SLIT3: variants seen among roughly 807,000 people sequenced by gnomAD.
The protein encoded by SLIT3 is slit guidance ligand 3.
In SLIT3, 68 loss-of-function variants were observed where a neutral mutation model predicts 184.0. That is an observed-to-expected ratio of 0.37 (90% CI 0.30 to 0.45). The LOEUF (loss-of-function observed/expected upper bound fraction) is 0.45. Ranked by LOEUF, SLIT3 falls within the 20% of genes least tolerant of loss-of-function variation. The probability of loss-of-function intolerance (pLI) is 1.00; values close to 1 mark genes in which losing one functional copy is unlikely to be tolerated. For synonymous variants in SLIT3, 831 were observed against 828.6 expected (o/e 1.00, Z -0.05); for missense variants, 1,707 against 2,026.0 (o/e 0.84, Z 3.02).
rs28515683 is a variant in SLIT3 at position 169,189,072 on chromosome 5, G to A, written c.413+4407C>T. On this transcript the variant is annotated intron_variant, in intron 4 of 35. Transcript: ENST00000519560. ...CACTGGGCATTTTGCAGACCACAGC[G>A]ATATAAGTTCAGGGAACTTCCAAGA... Among the ~76,000 whole-genome samples the A allele has an allele frequency of 2.1e-3, 315 of 152,250 alleles. 3 individuals are homozygous for A. The highest frequency in any genetic ancestry group is 6.8e-3 in the African/African-American group (283 of 41,548).
At chr5:168,733,279 T>TA (rs1392128775) in intron 20 of SLIT3, among the ~76,000 whole-genome samples, 1 of 152,090 alleles carries the variant, frequency 6.6e-6, no homozygotes, top group Non-Finnish European at 1.5e-5. Flanking sequence ...TTAAAAAGTC[T>TA]AAAAACAACA....
intron 4 of SLIT3, among the ~76,000 whole-genome samples, chr5:168,935,460 C>T (rs1031186221): frequency 3.9e-5 from 6 of 152,162 alleles, no homozygotes; most frequent in African/African-American, 1.4e-4. Flanking sequence ...CAGAGAGTAC[C>T]TTCCTCAAAG....
intron 6 of SLIT3, among the ~76,000 whole-genome samples, chr5:168,842,460 C>T (rs1172915128): frequency 1.0e-4 from 10 of 98,150 alleles, no homozygotes; most frequent in African/African-American, 6.0e-4. Flanking sequence ...ATCTGGATAC[C>T]GTTTTTTCGT....
At chr5:168,931,725 C>T (rs1379000167) in intron 4 of SLIT3, among the ~76,000 whole-genome samples, 1 of 152,186 alleles carries the variant, frequency 6.6e-6, no homozygotes, top group African/African-American at 2.4e-5. Context: ...AAGTAAGTGT[C>T]AGTGAATAAC....
intron 5 of SLIT3, 74 bp from the exon 6 acceptor site, chr5:168,844,729 G>A (rs1581138740): frequency 2.8e-6 from 4 of 1,417,226 alleles, no homozygotes. Context: ...GGCCACCCGA[G>A]CGCCTGTCCC....
chr5:169,107,968 G>A (rs1331388528), intron 4 of SLIT3, among the ~76,000 whole-genome samples: 1 of 152,202 alleles, frequency 6.6e-6, no homozygotes, highest in Non-Finnish European at 1.5e-5. Context: ...CAAGCAGGAT[G>A]TTCTGCTCAT....
intron 4 of SLIT3, among the ~76,000 whole-genome samples, chr5:169,066,019 CTG>C (rs1449251638): frequency 6.6e-6 from 1 of 152,188 alleles, no homozygotes; most frequent in Non-Finnish European, 1.5e-5. Flanking sequence ...GATGAAGAAA[CTG>C]AGCCTCAGAG....
intron 1 of SLIT3, among the ~76,000 whole-genome samples, chr5:169,268,963 A>C (rs898386014): frequency 2.0e-5 from 3 of 152,216 alleles, no homozygotes; most frequent in Non-Finnish European, 4.4e-5. Flanking sequence ...ATGAAAGCCA[A>C]AAATAGTATT....
chr5:168,724,574 G>T (rs1311277306), intron 20 of SLIT3, 90 bp from the exon 21 acceptor site: 5 of 995,996 alleles, frequency 5.0e-6, no homozygotes, highest in Non-Finnish European at 6.0e-6. Flanking sequence ...TTTCCAGGCT[G>T]GATTAGGTCC....
intron 3 of SLIT3, among the ~76,000 whole-genome samples, chr5:169,198,202 T>A (rs962346308): frequency 5.3e-5 from 8 of 152,230 alleles, no homozygotes; most frequent in Admixed American, 4.6e-4. Flanking sequence ...CATATGCTAG[T>A]GAAGAAGACA....
chr5:168,741,090 G>C (rs1160037570), intron 20 of SLIT3, among the ~76,000 whole-genome samples: 1 of 152,148 alleles, frequency 6.6e-6, no homozygotes, highest in Non-Finnish European at 1.5e-5. Context: ...CAACTGTCAA[G>C]ACCTCCCTTC....
At chr5:169,283,228 T>G (rs1467065217) in intron 1 of SLIT3, among the ~76,000 whole-genome samples, 2 of 152,214 alleles carry the variant, frequency 1.3e-5, no homozygotes, top group African/African-American at 2.4e-5. Flanking sequence ...ATTTGGAAAT[T>G]TGGTTGCAAT....
chr5:168,851,996 C>T (rs528250074), intron 5 of SLIT3, among the ~76,000 whole-genome samples: 5 of 152,210 alleles, frequency 3.3e-5, no homozygotes, highest in Non-Finnish European at 7.3e-5. Context: ...TTGGGCCTTG[C>T]ATTCTCTGCC....
chr5:168,891,888 G>A (rs943773022), intron 4 of SLIT3, among the ~76,000 whole-genome samples: 1 of 152,202 alleles, frequency 6.6e-6, no homozygotes, highest in Non-Finnish European at 1.5e-5. Flanking sequence ...CGGGCTGCAT[G>A]TGGACAACAG....
At chr5:168,734,713 AC>A (rs1581018353) in intron 20 of SLIT3, among the ~76,000 whole-genome samples, 1 of 152,036 alleles carries the variant, frequency 6.6e-6, no homozygotes, top group African/African-American at 2.4e-5. Context: ...ACAGCATTTG[AC>A]CCCCATGGTG....
At chr5:169,037,773 A>C (rs1223460728) in intron 4 of SLIT3, 1 of 152,252 alleles carries the variant, frequency 6.6e-6, no homozygotes, top group Non-Finnish European at 1.5e-5. Flanking sequence ...AGGGGAAATC[A>C]AAACAAGTCC....
rs1358353459 is a variant in SLIT3 at position 169,056,181 on chromosome 5, G to T, written c.413+137298C>A. Among the ~76,000 whole-genome samples, 3 of 152,160 alleles carry T rather than the reference G, an allele frequency of 2.0e-5. No homozygotes were observed. The East Asian group carries it at 5.8e-4, about 29-fold the overall frequency. ...TCTCAGGTAAAAGCATTATGCAGAA[G>T]GGAGGTCTCAGTAGGTTTGGAACCT... is the stretch of plus-strand genomic sequence containing the variant. On this transcript the variant is annotated intron_variant, in intron 4 of 35. Transcript: ENST00000519560.
chr5:168,818,931 A>G (rs900237000), intron 7 of SLIT3, among the ~76,000 whole-genome samples: 1 of 152,276 alleles, frequency 6.6e-6, no homozygotes, highest in Non-Finnish European at 1.5e-5. Flanking sequence ...TATATCCCAT[A>G]TAAAATGTAA....
chr5:168,784,590 G>A (rs1756085415), intron 12 of SLIT3, among the ~76,000 whole-genome samples: 2 of 152,208 alleles, frequency 1.3e-5, no homozygotes, highest in African/African-American at 4.8e-5. Flanking sequence ...CCAGAGCTGA[G>A]TCTTAAAGGA....
Sources: gnomAD v4.1 joint callset for allele counts (sites outside exome capture counted in the v4.1 genomes callset) on GRCh38, gnomAD v4.1.1 for gene constraint, MANE v1.5 for transcripts, NCBI Gene and HGNC (gene_info 2026-07-23, HGNC 2026-07-21) for gene names.